The following GLRA3 variants were observed in gnomAD, a reference collection of about 807,000 sequenced individuals.
GLRA3 encodes glycine receptor subunit alpha-3.
Under a neutral mutation model 60.4 loss-of-function variants are expected in GLRA3, and 44 were observed. The observed-to-expected ratio is 0.73, with a 90% CI of 0.57 to 0.94. The LOEUF is 0.94. Ranked by LOEUF, GLRA3 falls within the 40% of genes least tolerant of loss-of-function variation. The pLI is 0.00. For synonymous variants in GLRA3, 223 were observed against 192.9 expected (o/e 1.16, Z -1.29); for missense variants, 508 against 564.6 (o/e 0.90, Z 1.02).
intron 7 of GLRA3, among the ~76,000 whole-genome samples, chr4:174,666,718 G>A (rs1030480977): frequency 2.1e-5 from 3 of 144,976 alleles, no homozygotes; most frequent in African/African-American, 7.6e-5. Context: ...GAGAAAGCCT[G>A]CCTCTTGCAT....
intron 9 of GLRA3, among the ~76,000 whole-genome samples, chr4:174,649,433 G>C (rs1407643349): frequency 6.6e-6 from 1 of 152,150 alleles, no homozygotes; most frequent in East Asian, 1.9e-4. Flanking sequence ...GAAGGATCTT[G>C]GCATCTCTGG....
At chr4:174,700,840 A>C (rs1158030793) in intron 5 of GLRA3, among the ~76,000 whole-genome samples, 1 of 152,214 alleles carries the variant, frequency 6.6e-6, no homozygotes, top group Non-Finnish European at 1.5e-5. Context: ...GCAAGATCCT[A>C]ACTCATCCAT....
chr4:174,690,435 A>T (rs1281124151), intron 5 of GLRA3, among the ~76,000 whole-genome samples: 1 of 152,200 alleles, frequency 6.6e-6, no homozygotes, highest in East Asian at 1.9e-4. Flanking sequence ...AATCAGACCT[A>T]TGTGTGGAAA....
intron 5 of GLRA3, among the ~76,000 whole-genome samples, chr4:174,692,250 C>T (rs936292941): frequency 1.3e-5 from 2 of 149,908 alleles, no homozygotes; most frequent in African/African-American, 4.9e-5. Context: ...GCCAGCCGCC[C>T]CATCCGCGAG....
At chr4:174,691,196 T>C (rs1187193809) in intron 5 of GLRA3, among the ~76,000 whole-genome samples, 1 of 152,220 alleles carries the variant, frequency 6.6e-6, no homozygotes, top group Non-Finnish European at 1.5e-5. Context: ...TTTTTGACTT[T>C]TTAGTAATAG....
intron 3 of GLRA3, among the ~76,000 whole-genome samples, chr4:174,764,549 TCC>T (rs765983061): frequency 2.4e-5 from 2 of 83,214 alleles, no homozygotes; most frequent in African/African-American, 4.0e-5. Flanking sequence ...TGCGACAGAC[TCC>T]GTCTCAAAAA....
At chr4:174,670,622 G>A (rs966179469) in intron 7 of GLRA3, among the ~76,000 whole-genome samples, 2 of 152,132 alleles carry the variant, frequency 1.3e-5, no homozygotes, top group Admixed American at 6.5e-5. Context: ...TTTATGATTC[G>A]GCCATATACT....
intron 2 of GLRA3, among the ~76,000 whole-genome samples, chr4:174,768,683 A>G (rs1296071484): frequency 2.0e-5 from 3 of 152,266 alleles, no homozygotes; most frequent in East Asian, 3.9e-4. Context: ...AAAGAGGGAA[A>G]TATTCCATCA....
At chr4:174,817,214 C>A (rs1175625234) in intron 1 of GLRA3, among the ~76,000 whole-genome samples, 1 of 152,178 alleles carries the variant, frequency 6.6e-6, no homozygotes, top group African/African-American at 2.4e-5. Flanking sequence ...TTGGAAGTGT[C>A]TTTAAAGAGA....
intron 5 of GLRA3, among the ~76,000 whole-genome samples, chr4:174,699,228 C>T (rs1422971184): frequency 6.6e-6 from 1 of 152,182 alleles, no homozygotes; most frequent in Non-Finnish European, 1.5e-5. Flanking sequence ...TCTCGAACTC[C>T]TGACCTTAGG....
chr4:174,802,327 G>A (rs763682858), intron 1 of GLRA3, among the ~76,000 whole-genome samples: 9 of 151,858 alleles, frequency 5.9e-5, no homozygotes, highest in African/African-American at 1.7e-4. Flanking sequence ...TCTCATCTAC[G>A]TTCCTTTCTC....
chr4:174,677,360 A>G, intron 6 of GLRA3, 68 bp from the exon 7 acceptor site: 1 of 911,332 alleles, frequency 1.1e-6, no homozygotes, highest in South Asian at 1.5e-5. Context: ...CAAATATCAC[A>G]ATTTCTCTTT....
intron 5 of GLRA3, among the ~76,000 whole-genome samples, chr4:174,684,649 C>T (rs1388903138): frequency 6.6e-6 from 1 of 152,170 alleles, no homozygotes; most frequent in Non-Finnish European, 1.5e-5. Flanking sequence ...TTTCTTGATG[C>T]ACAATTACCA....
At chr4:174,652,631 T>C (rs958783017) in intron 9 of GLRA3, among the ~76,000 whole-genome samples, 3 of 152,156 alleles carry the variant, frequency 2.0e-5, no homozygotes, top group South Asian at 2.1e-4. Context: ...TGAGACTTTG[T>C]ATGTCTCTTT....
At chr4:174,723,810 C>T (rs999593412) in intron 4 of GLRA3, among the ~76,000 whole-genome samples, 1 of 151,836 alleles carries the variant, frequency 6.6e-6, no homozygotes, top group African/African-American at 2.4e-5. Context: ...GAATCATGAC[C>T]TCATGTTAAG....
intron 3 of GLRA3, among the ~76,000 whole-genome samples, chr4:174,741,611 T>C (rs1163459875): frequency 1.3e-5 from 2 of 152,038 alleles, no homozygotes; most frequent in Non-Finnish European, 1.5e-5. Flanking sequence ...ATCCATTATT[T>C]ATATTTTTTA....
intron 5 of GLRA3, among the ~76,000 whole-genome samples, chr4:174,690,362 A>G (rs575186836): frequency 6.6e-6 from 1 of 152,360 alleles, no homozygotes; most frequent in Non-Finnish European, 1.5e-5. Context: ...CATTTTCACA[A>G]TAATGTATTT....
chr4:174,703,846 G>T (rs1180538500), intron 5 of GLRA3, among the ~76,000 whole-genome samples: 3 of 152,140 alleles, frequency 2.0e-5, no homozygotes, highest in African/African-American at 7.2e-5. Context: ...CCAATGCACT[G>T]CATAATTTAA....
intron 4 of GLRA3, among the ~76,000 whole-genome samples, chr4:174,724,807 A>G (rs2111122309): frequency 6.6e-6 from 1 of 152,270 alleles, no homozygotes; most frequent in Non-Finnish European, 1.5e-5. Context: ...CTCAGATGAG[A>G]GTTCCTTCCT....
Sources: allele counts gnomAD v4.1 joint callset (sites outside exome capture counted in the v4.1 genomes callset), GRCh38; gene constraint gnomAD v4.1.1; transcripts MANE v1.5; gene names NCBI Gene and HGNC (gene_info 2026-07-23, HGNC 2026-07-21).